OR2AT4: variants seen among roughly 807,000 people sequenced by gnomAD.
OR2AT4 encodes the protein olfactory receptor family 2 subfamily AT member 4.
OR2AT4 carries 6 observed loss-of-function variants against 10.3 expected under a neutral mutation model. The observed-to-expected ratio is 0.58, with a 90% CI of 0.32 to 1.15. OR2AT4 has a LOEUF of 1.15. Among genes scored for constraint, OR2AT4 ranks in the 50% most tolerant of loss-of-function variants. The pLI, the probability that OR2AT4 is intolerant of heterozygous loss-of-function variation, is 0.05. For synonymous variants in OR2AT4, 145 were observed against 159.1 expected, an observed-to-expected ratio of 0.91 and a Z score of 0.67; for missense variants, 354 against 393.8, an observed-to-expected ratio of 0.90 and a Z score of 0.85.
At chr11:75,086,065 TGTA>T (rs1949288644) in exon 2 of OR2AT4, 1 of 151,996 alleles carries the variant, frequency 6.6e-6, no homozygotes, top group South Asian at 2.1e-4. Flanking sequence ...TTGACAAAAG[TGTA>T]AAGGCAATTT....
intron 1 of OR2AT4, chr11:75,096,202 T>G (rs1401074714): frequency 1.3e-5 from 2 of 151,516 alleles, no homozygotes; most frequent in African/African-American, 4.9e-5. Flanking sequence ...TCCAGCTTGA[T>G]AAATATTTTG....
At chr11:75,085,098 T>C (rs1949283787) in exon 2 of OR2AT4, 2 of 152,078 alleles carry the variant, frequency 1.3e-5, no homozygotes, top group South Asian at 4.2e-4. Flanking sequence ...GCTGATTCTT[T>C]GAAAAATCAG....
At chr11:75,090,091 G>C (rs541168609) in exon 2 of OR2AT4, 1 of 185,920 alleles carries the variant, frequency 5.4e-6, no homozygotes, top group South Asian at 1.4e-4. Context: ...AATTATAATT[G>C]TGAAAGTGCT....
At chr11:75,084,820 A>G (rs993956099) in exon 2 of OR2AT4, 1 of 152,228 alleles carries the variant, frequency 6.6e-6, no homozygotes, top group African/African-American at 2.4e-5. Flanking sequence ...GGGGAAATTT[A>G]AAATACATTT....
At chr11:75,089,577 C>T (rs1424512892) in exon 2 of OR2AT4, 1 of 1,614,074 alleles carries the variant, frequency 6.2e-7, no homozygotes, top group Admixed American at 1.7e-5. Context: ...CAGGGCATTA[C>T]CCATCAGGAT....
At chr11:75,083,269 C>T (rs2140277555) in exon 2 of OR2AT4, 1 of 152,130 alleles carries the variant, frequency 6.6e-6, no homozygotes, top group South Asian at 2.1e-4. Flanking sequence ...AAAAAGAAGA[C>T]ATATAAGCAG....
exon 2 of OR2AT4, chr11:75,083,656 C>A (rs1949276177): frequency 6.6e-6 from 1 of 152,134 alleles, no homozygotes; most frequent in Non-Finnish European, 1.5e-5. Flanking sequence ...TGCCCATCAG[C>A]GGTGGGCTGG....
exon 2 of OR2AT4, chr11:75,089,436 C>G: frequency 6.2e-7 from 1 of 1,614,060 alleles, no homozygotes; most frequent in Non-Finnish European, 8.5e-7. Context: ...GAAGCGGTCC[C>G]CAAGCAAGAA....
rs1272503315 is a variant in OR2AT4, at chr11:75,089,758, C to G, written c.-45G>C. 5 of 1,562,616 alleles carry G rather than the reference C, an allele frequency of 3.2e-6. No individual in the cohort carries two copies. The Admixed American group carries it at 7.5e-5, about 24-fold the overall frequency. On this transcript the variant is annotated 5_prime_UTR_variant, in exon 2 of 2. Transcript: ENST00000641504. ...TCTCAGAGATGGGCAGCTGGAACAT[C>G]TAGACATTGGAAACATCTGGAAACC...
intron 1 of OR2AT4, among the ~76,000 whole-genome samples, chr11:75,093,310 A>G (rs2140280514): frequency 6.6e-6 from 1 of 152,340 alleles, no homozygotes; most frequent in Non-Finnish European, 1.5e-5. Flanking sequence ...TTTCTGATTA[A>G]CCATTTCATT....
At chr11:75,088,551 G>T in exon 2 of OR2AT4, 1 of 431,330 alleles carries the variant, frequency 2.3e-6, no homozygotes, top group Non-Finnish European at 3.9e-6. Context: ...TTTTGACTTT[G>T]CTTTTAAGAA....
At chr11:75,091,166 C>G (rs998873451) in intron 1 of OR2AT4, among the ~76,000 whole-genome samples, 1 of 152,216 alleles carries the variant, frequency 6.6e-6, no homozygotes, top group African/African-American at 2.4e-5. Flanking sequence ...GCCTACCTTA[C>G]TCTACCTGCC....
At chr11:75,084,870 G>A (rs1346601131) in exon 2 of OR2AT4, 2 of 152,112 alleles carry the variant, frequency 1.3e-5, no homozygotes, top group Non-Finnish European at 2.9e-5. Context: ...ATTAAAATTC[G>A]TGTGAAGTTG....
Position 75,088,488 on chromosome 11 carries a change from T to C in OR2AT4, c.*263A>G, listed in dbSNP as rs182613251. The C allele has an allele frequency of 1.6e-3, 459 of 287,260 alleles. 2 individuals carry two copies. The highest frequency in any genetic ancestry group is 2.9e-3 in the Admixed American group (62 of 21,198). 17.8% of individuals were successfully genotyped at this position (287,260 alleles called of 1,614,324 possible). ...AAATGTTTATTTCAATCTTCTACATTCTTTGTATAATATGAATATTTGCCT... is the reference window on the plus strand; with the variant it reads ...AAATGTTTATTTCAATCTTCTACATCCTTTGTATAATATGAATATTTGCCT... On this transcript the variant is annotated 3_prime_UTR_variant, in exon 2 of 2. Coordinates refer to ENST00000641504, the Ensembl canonical transcript of OR2AT4.
exon 2 of OR2AT4, chr11:75,089,226 G>A (rs747325989): frequency 1.9e-6 from 3 of 1,614,080 alleles, no homozygotes; most frequent in Admixed American, 1.7e-5. Context: ...TACTACTGCT[G>A]GGATGGGCAG....
At chr11:75,094,668 A>G (rs1949337894) in intron 1 of OR2AT4, among the ~76,000 whole-genome samples, 1 of 152,146 alleles carries the variant, frequency 6.6e-6, no homozygotes, top group Non-Finnish European at 1.5e-5. Context: ...GGATCACTTG[A>G]GCCCAGGAGT....
chr11:75,092,520 T>C (rs917928568), intron 1 of OR2AT4, among the ~76,000 whole-genome samples: 1 of 152,210 alleles, frequency 6.6e-6, no homozygotes, highest in Non-Finnish European at 1.5e-5. Context: ...CAGCTAAAGA[T>C]ATAGCACATT....
At chr11:75,088,799 G>C in exon 2 of OR2AT4, 1 of 1,591,404 alleles carries the variant, frequency 6.3e-7, no homozygotes, top group Non-Finnish European at 8.6e-7. Flanking sequence ...TTTTGGTGAT[G>C]GCTGCCTTTA....
At chr11:75,091,162 C>A (rs967751369) in intron 1 of OR2AT4, among the ~76,000 whole-genome samples, 1 of 152,192 alleles carries the variant, frequency 6.6e-6, no homozygotes. Flanking sequence ...GCCAGCCTAC[C>A]TTACTCTACC....
Sources: allele counts gnomAD v4.1 joint callset (sites outside exome capture counted in the v4.1 genomes callset), GRCh38; gene constraint gnomAD v4.1.1; transcripts MANE v1.5; gene names NCBI Gene and HGNC (gene_info 2026-07-23, HGNC 2026-07-21).